The following SERPINA9 variants were observed in gnomAD, a reference collection of about 807,000 sequenced individuals.
SERPINA9 encodes the protein serpin family A member 9.
Under a neutral mutation model 24.5 loss-of-function variants are expected in SERPINA9, and 32 were observed. The observed-to-expected ratio is 1.30, with a 90% CI of 0.98 to 1.75. The LOEUF (loss-of-function observed/expected upper bound fraction) is 1.75. Among genes scored for constraint, SERPINA9 ranks in the 40% most tolerant of loss-of-function variants. The pLI is 0.00. For synonymous variants in SERPINA9, 233 were observed against 197.7 expected (o/e 1.18, Z -1.50); for missense variants, 594 against 497.1 (o/e 1.19, Z -1.85).
At position 94,467,317 on chromosome 14, in the gene SERPINA9, G is replaced by T. The variant is rs1276415036; in HGVS notation, c.694C>A (p.Gln232Lys). Residue 232 changes from glutamine to lysine, a missense_variant, in exon 3 of 5, where the codon CAG (glutamine) becomes AAG (lysine). Gln to Lys is a moderately conservative substitution (Grantham distance 53). Transcript: ENST00000674397. ...RKNFPFLVGE[Q>K]VTVHVPMMHQ... Reference sequence around the variant, plus strand: ...ATCATGGGGACATGCACAGTGACCTGCTCGCCCACCAGGAATGGGAAGTTC... The same window carrying T: ...ATCATGGGGACATGCACAGTGACCTTCTCGCCCACCAGGAATGGGAAGTTC... 3.7e-6 allele frequency: 6 copies of T among 1,613,872 alleles called. No individual in the cohort carries two copies. The highest frequency in any genetic ancestry group is 5.1e-6 in the Non-Finnish European group (6 of 1,179,894).
Position 94,462,828 on chromosome 14 carries a change from A to C in SERPINA9, c.*265T>G. The C allele has an allele frequency of 1.8e-5, 8 of 433,296 alleles. No individual in the cohort carries two copies. Among genetic ancestry groups the C allele is most frequent in the East Asian group, 4.5e-5 (1 of 22,234 alleles). 26.8% of individuals were successfully genotyped at this position (433,296 alleles called of 1,614,324 possible). ...TTTCCATTCCTGGGAGCCCCAAGGA[A>C]TGGAAATATGGTAACCCAGCAACAT... On this transcript the variant is annotated 3_prime_UTR_variant, in exon 5 of 5. Transcript: ENST00000674397.
At position 94,469,499 on chromosome 14, in the gene SERPINA9, G is replaced by A. The variant is rs766525059; in HGVS notation, c.342C>T (p.Phe114=). 17 of 1,614,058 alleles carry A rather than the reference G, an allele frequency of 1.1e-5. No homozygotes were observed. The highest frequency in any genetic ancestry group is 1.4e-5 in the Non-Finnish European group (17 of 1,180,032). Residue 114 remains phenylalanine, a synonymous_variant, in exon 2 of 5, where the codon TTC becomes TTT. Coordinates refer to ENST00000674397, the MANE Select transcript of SERPINA9 (RefSeq NM_175739.4). ...HTPESAIHQG[F]QHLVHSLTVP... ...CAGTCAGTGAGTGAACCAGGTGCTG[G>A]AAGCCCTGGTGGATGGCAGACTCTG... is the stretch of plus-strand genomic sequence containing the variant.
rs1315244213 is a variant in SERPINA9 at position 94,469,717 on chromosome 14, A to T, written c.124T>A (p.Ser42Thr). 1.9e-6 allele frequency: 3 copies of T among 1,599,778 alleles called. No individual in the cohort carries two copies. Among genetic ancestry groups the T allele is most frequent in the Admixed American group, 1.7e-5 (1 of 59,362 alleles). The change falls in exon 2 of 5, where the codon TCA becomes ACA. Residue 42 changes from serine (S) to threonine (T), a missense_variant. Ser to Thr is a moderately conservative substitution (Grantham distance 58, BLOSUM62 1). Transcript: ENST00000674397. Reference protein sequence around the residue: ...RPSSTKSTPASQVYSLNTDFA... With the variant: ...RPSSTKSTPATQVYSLNTDFA... ...TCGGTGTTGAGGGAATACACCTGTG[A>T]GGCAGGGGTGCTCTTTGTGGAGGAA...
intron 1 of SERPINA9, among the ~76,000 whole-genome samples, chr14:94,475,505 T>G (rs1195438530): frequency 4.0e-5 from 6 of 151,764 alleles, no homozygotes; most frequent in Non-Finnish European, 8.8e-5. Flanking sequence ...AAAAGAGAGA[T>G]CCTATGAAAA....
chr14:94,469,274 G>A lies in SERPINA9; in HGVS notation c.567C>T (p.Asp189=). ...TCAGAAGGTCAAGGCCTTGGATTAT[G>A]TCTACAACCTTCCCTTGGGTCTTCT... The part of the protein sequence containing the change: ...VKKKTQGKVV[D]IIQGLDLLTA... Residue 189 remains aspartate, a synonymous_variant, in exon 2 of 5, where the codon GAC becomes GAT. Transcript: ENST00000674397. The A allele has an allele frequency of 2.5e-6, 4 of 1,613,796 alleles. No individual in the cohort carries two copies. The highest frequency in any genetic ancestry group is 3.4e-6 in the Non-Finnish European group (4 of 1,180,022).
chr14:94,463,683 C>A (rs1019964419), intron 4 of SERPINA9, among the ~76,000 whole-genome samples: 4 of 152,150 alleles, frequency 2.6e-5, no homozygotes, highest in African/African-American at 9.7e-5. Context: ...TGTGGACTTG[C>A]CAGCAGTAGT....
intron 2 of SERPINA9, among the ~76,000 whole-genome samples, chr14:94,468,112 T>C (rs897327373): frequency 1.3e-5 from 2 of 151,036 alleles, no homozygotes; most frequent in South Asian, 2.1e-4. Context: ...AATGGGTGGA[T>C]AGTTTGGTGA....
At chr14:94,465,159 G>A (rs1052922065) in intron 3 of SERPINA9, among the ~76,000 whole-genome samples, 17 of 152,166 alleles carry the variant, frequency 1.1e-4, no homozygotes, top group Non-Finnish European at 2.5e-4. Context: ...AGTAGCAATG[G>A]AAGCTCATCA....
chr14:94,475,734 C>G (rs372605506), intron 1 of SERPINA9, among the ~76,000 whole-genome samples: 4 of 152,294 alleles, frequency 2.6e-5, no homozygotes, highest in East Asian at 1.9e-4. Flanking sequence ...CCCTCTCAAG[C>G]TGATCCTTGC....
intron 4 of SERPINA9, among the ~76,000 whole-genome samples, chr14:94,463,649 G>A (rs1898848112): frequency 6.6e-6 from 1 of 152,336 alleles, no homozygotes; most frequent in East Asian, 1.9e-4. Context: ...TGTAAATTAA[G>A]AGAGATCATA....
At chr14:94,473,352 C>A (rs1899419246) in intron 1 of SERPINA9, among the ~76,000 whole-genome samples, 1 of 152,062 alleles carries the variant, frequency 6.6e-6, no homozygotes, top group South Asian at 2.1e-4. Flanking sequence ...AACCCCATCT[C>A]TACTAAAAAT....
intron 1 of SERPINA9, chr14:94,475,885 T>A (rs1899611574): frequency 3.9e-6 from 2 of 516,998 alleles, no homozygotes; most frequent in Middle Eastern, 5.1e-4. Flanking sequence ...GTGGCCCAAA[T>A]TTTCAAGAGC....
chr14:94,464,968 G>C (rs1898932026), intron 3 of SERPINA9, 114 bp from the exon 4 acceptor site: 2 of 902,534 alleles, frequency 2.2e-6, no homozygotes, highest in Admixed American at 6.0e-5. Flanking sequence ...GCTAATTTCT[G>C]CTAAAAAGGT....
At chr14:94,475,984 GATGCTACTAAAAGCCAACTAATGTGTC>G in intron 1 of SERPINA9, 125 bp downstream of exon 1, 1 of 1,148,392 alleles carries the variant, frequency 8.7e-7, no homozygotes. Flanking sequence ...ATGTGACCCA[GATGCTACTAAAAGCCAACTAATGTGTC>G]TAGGTTCTCA....
chr14:94,470,998 C>G (rs887128074), intron 1 of SERPINA9, among the ~76,000 whole-genome samples: 1 of 152,124 alleles, frequency 6.6e-6, no homozygotes, highest in Non-Finnish European at 1.5e-5. Context: ...TGTGCTCAGC[C>G]AGAGGGGAAA....
chr14:94,475,434 A>G (rs914297461), intron 1 of SERPINA9, among the ~76,000 whole-genome samples: 1 of 69,784 alleles, frequency 1.4e-5, no homozygotes. Context: ...ACACACACAC[A>G]CATACACACA....
In SERPINA9 at chr14:94,470,177, C is replaced by T. The variant is rs1485430119; in HGVS notation, c.-17-320G>A. 21 of 1,073,670 alleles carry T rather than the reference C, an allele frequency of 2.0e-5. No homozygotes were observed. The East Asian group carries it at 3.1e-4, about 16-fold the overall frequency. 66.5% of individuals were successfully genotyped at this position (1,073,670 alleles called of 1,614,324 possible). A position where few individuals can be genotyped will look rare whatever the true frequency, so the allele number is the denominator to read the frequency against. On this transcript the variant is annotated intron_variant, in intron 1 of 4. Transcript: ENST00000674397. Reference sequence around the variant, plus strand: ...AATCCCATGCTTTTTGATGTTTCTGCTTCATGGACTTATTTTTTAAGAATT... The same window carrying T: ...AATCCCATGCTTTTTGATGTTTCTGTTTCATGGACTTATTTTTTAAGAATT...
In SERPINA9 at chr14:94,464,761, G is replaced by T. The variant is rs985697583; in HGVS notation, c.996C>A (p.Asp332Glu). The T allele has an allele frequency of 1.2e-6, 2 of 1,613,534 alleles. No individual in the cohort carries two copies. The highest frequency in any genetic ancestry group is 1.7e-6 in the Non-Finnish European group (2 of 1,179,544). ...LPKMGIQNVF[D>E]KNADFSGIAK... The stretch of plus-strand genomic sequence containing the variant: ...CAATTCCAGAAAAATCAGCATTTTT[G>T]TCAAAGACATTTTGGATGCCCATCT... Residue 332 changes from aspartate (D) to glutamate (E), a missense_variant, in exon 4 of 5, where the codon GAC becomes GAA. By Grantham distance (45) the Asp-to-Glu change is conservative. Transcript: ENST00000674397.
At chr14:94,475,906 T>A (rs550962789) in intron 1 of SERPINA9, 3 of 579,782 alleles carry the variant, frequency 5.2e-6, no homozygotes, top group Admixed American at 6.5e-5. Context: ...TGTGTATTCA[T>A]GGTCTCTGTG....
Sources: gnomAD v4.1 joint callset for allele counts (sites outside exome capture counted in the v4.1 genomes callset) on GRCh38, gnomAD v4.1.1 for gene constraint, MANE v1.5 for transcripts, NCBI Gene and HGNC (gene_info 2026-07-23, HGNC 2026-07-21) for gene names.